Variants in EHBP1 observed in about 807,000 individuals in gnomAD.
EHBP1 encodes the protein EH domain-binding protein 1.
A neutral mutation model predicts 144.0 loss-of-function variants in EHBP1; 55 were observed. That is an observed-to-expected ratio of 0.38 (90% confidence interval 0.31 to 0.48). EHBP1 has a LOEUF of 0.48. Among genes scored for constraint, EHBP1 ranks in the 20% least tolerant of loss-of-function variants. The probability of loss-of-function intolerance (pLI) is 0.98; values close to 1 mark genes in which losing one functional copy is unlikely to be tolerated. For synonymous variants in EHBP1, 469 were observed against 472.7 expected (o/e 0.99, Z 0.10); for missense variants, 1,200 against 1,364.2 (o/e 0.88, Z 1.90).
At chr2:62,813,957 T>C (rs941913400) in intron 5 of EHBP1, among the ~76,000 whole-genome samples, 1 of 152,214 alleles carries the variant, frequency 6.6e-6, no homozygotes, top group Non-Finnish European at 1.5e-5. Context: ...ATATCTGCTT[T>C]AGATGAGACT....
chr2:62,873,465 G>A (rs2050643072), intron 9 of EHBP1, among the ~76,000 whole-genome samples: 1 of 152,026 alleles, frequency 6.6e-6, no homozygotes, highest in East Asian at 1.9e-4. Flanking sequence ...TATAAAAATG[G>A]AAAGGCTAGG....
intron 16 of EHBP1, among the ~76,000 whole-genome samples, chr2:62,992,476 G>A (rs1413774330): frequency 6.6e-6 from 1 of 152,144 alleles, no homozygotes; most frequent in Non-Finnish European, 1.5e-5. Flanking sequence ...AACAAAAGGT[G>A]TGCTTTAAAC....
intron 2 of EHBP1, among the ~76,000 whole-genome samples, chr2:62,741,787 C>G (rs752000877): frequency 6.6e-6 from 1 of 151,862 alleles, no homozygotes; most frequent in Non-Finnish European, 1.5e-5. Flanking sequence ...GGGAAAAAAA[C>G]CAATAGAAAT....
At chr2:62,904,646 C>G (rs2053659919) in intron 10 of EHBP1, among the ~76,000 whole-genome samples, 1 of 152,122 alleles carries the variant, frequency 6.6e-6, no homozygotes, top group Non-Finnish European at 1.5e-5. Context: ...GTGGGGGTAC[C>G]CCTGGAGGAC....
intron 2 of EHBP1, among the ~76,000 whole-genome samples, chr2:62,729,772 A>G (rs1434205905): frequency 1.3e-5 from 2 of 151,368 alleles, no homozygotes; most frequent in African/African-American, 4.9e-5. Context: ...GATATTGCCA[A>G]ATTCCTCTCC....
intron 19 of EHBP1, among the ~76,000 whole-genome samples, chr2:63,011,101 G>A (rs1488080570): frequency 6.7e-6 from 1 of 149,744 alleles, no homozygotes; most frequent in Non-Finnish European, 1.5e-5. Context: ...ATTACTCCTG[G>A]GTTTTGCATC....
intron 2 of EHBP1, among the ~76,000 whole-genome samples, chr2:62,737,315 G>A (rs2038234468): frequency 1.3e-5 from 2 of 152,266 alleles, no homozygotes; most frequent in Middle Eastern, 3.4e-3. Flanking sequence ...TGAGAATGTG[G>A]TAAAGCTACA....
At chr2:62,801,909 A>C (rs965322443) in intron 5 of EHBP1, among the ~76,000 whole-genome samples, 1 of 152,342 alleles carries the variant, frequency 6.6e-6, no homozygotes, top group South Asian at 2.1e-4. Flanking sequence ...TTTAGTGTGC[A>C]TTGGACTCAT....
At chr2:62,918,274 A>G (rs17432566) in intron 10 of EHBP1, among the ~76,000 whole-genome samples, 15,049 of 152,116 alleles carry the variant, frequency 0.099, 956 homozygotes, top group Non-Finnish European at 0.14. Context: ...TTTGATTTAC[A>G]ACTACCGTAG....
At chr2:62,835,761 C>T (rs1353964575) in intron 7 of EHBP1, among the ~76,000 whole-genome samples, 1 of 152,146 alleles carries the variant, frequency 6.6e-6, no homozygotes, top group African/African-American at 2.4e-5. Flanking sequence ...GTCACTCACA[C>T]CCAAATATTG....
intron 10 of EHBP1, among the ~76,000 whole-genome samples, chr2:62,933,170 T>C (rs1400310423): frequency 6.6e-6 from 1 of 151,804 alleles, no homozygotes; most frequent in Non-Finnish European, 1.5e-5. Flanking sequence ...TTAACATAAA[T>C]AATATAGTAT....
At chr2:62,938,882 C>G (rs2056563491) in intron 10 of EHBP1, among the ~76,000 whole-genome samples, 1 of 151,854 alleles carries the variant, frequency 6.6e-6, no homozygotes, top group South Asian at 2.1e-4. Context: ...TTTGAAATTT[C>G]TAGAAGAGCC....
At position 62,932,443 on chromosome 2, in the gene EHBP1, C is replaced by T. The variant is rs576848873; in HGVS notation, c.1186-10275C>T. Among the ~76,000 whole-genome samples, 11 of 152,186 alleles carry T rather than the reference C, an allele frequency of 7.2e-5. No individual in the cohort carries two copies. In the South Asian group the frequency reaches 2.1e-3, roughly 29 times the overall value. ...CTATGACATGGATTAATCTTGAGGA[C>T]ATAATGCTAAATGAAATGAATTTAT... On this transcript the variant is annotated intron_variant, in intron 10 of 22. Transcript: ENST00000431489.
chr2:62,857,391 A>G (rs1033364937), intron 7 of EHBP1, among the ~76,000 whole-genome samples: 5 of 152,308 alleles, frequency 3.3e-5, no homozygotes, highest in African/African-American at 1.2e-4. Flanking sequence ...TGATAAATAA[A>G]TATTTGTTCA....
chr2:62,705,706 T>A (rs1217935599), upstream of EHBP1: 6 of 147,158 alleles, frequency 4.1e-5, no homozygotes, highest in East Asian at 1.2e-3. Context: ...CTGCCGTGGG[T>A]AGGGTTAGTG....
intron 5 of EHBP1, among the ~76,000 whole-genome samples, chr2:62,807,173 A>G (rs184533591): frequency 1.3e-5 from 2 of 152,374 alleles, no homozygotes; most frequent in African/African-American, 2.4e-5. Context: ...TCACGGGACA[A>G]CATACGCATA....
At chr2:62,715,374 A>G (rs2035568646) in intron 2 of EHBP1, among the ~76,000 whole-genome samples, 1 of 151,978 alleles carries the variant, frequency 6.6e-6, no homozygotes, top group African/African-American at 2.4e-5. Flanking sequence ...TCGGCCTCCC[A>G]AAGTGCTGGG....
At chr2:62,786,267 CCT>C (rs1419420013) in intron 5 of EHBP1, among the ~76,000 whole-genome samples, 1 of 152,042 alleles carries the variant, frequency 6.6e-6, no homozygotes, top group Non-Finnish European at 1.5e-5. Context: ...CTCTCCATTT[CCT>C]CTCTTTCAGT....
At chr2:62,831,588 T>G (rs2152658310) in intron 7 of EHBP1, among the ~76,000 whole-genome samples, 1 of 152,326 alleles carries the variant, frequency 6.6e-6, no homozygotes, top group African/African-American at 2.4e-5. Flanking sequence ...TTATATATCT[T>G]ATGTATCCTG....
Sources: gnomAD v4.1 joint callset for allele counts (sites outside exome capture counted in the v4.1 genomes callset) on GRCh38, gnomAD v4.1.1 for gene constraint, MANE v1.5 for transcripts, NCBI Gene and HGNC (gene_info 2026-07-23, HGNC 2026-07-21) for gene names.